Variants in CSMD1 observed in about 807,000 individuals in gnomAD.
The protein encoded by CSMD1 is CUB and Sushi multiple domains 1, also known as CUB and sushi domain-containing protein 1.
In CSMD1, 213 loss-of-function variants were observed where a neutral mutation model predicts 417.5. The observed-to-expected ratio is 0.51, with a 90% CI of 0.46 to 0.57. CSMD1 has a LOEUF of 0.57. Ranked by LOEUF, CSMD1 falls within the 20% of genes least tolerant of loss-of-function variation. The pLI is 0.00. For synonymous variants in CSMD1, 2,862 were observed against 1,736.8 expected, an observed-to-expected ratio of 1.65 and a Z score of -16.11; for missense variants, 6,923 against 4,529.7, an observed-to-expected ratio of 1.53 and a Z score of -15.17.
At chr8:3,427,188 C>T (rs943727668) in intron 12 of CSMD1, among the ~76,000 whole-genome samples, 3 of 152,194 alleles carry the variant, frequency 2.0e-5, no homozygotes, top group African/African-American at 7.2e-5. Context: ...GGTGCAGACT[C>T]AGCCAAACTA....
chr8:3,641,246 G>A (rs1483992904), intron 7 of CSMD1, among the ~76,000 whole-genome samples: 1 of 151,836 alleles, frequency 6.6e-6, no homozygotes, highest in Non-Finnish European at 1.5e-5. Flanking sequence ...GTGACTCATG[G>A]GTCCCTGAGC....
intron 2 of CSMD1, among the ~76,000 whole-genome samples, chr8:4,623,570 G>A (rs1169356856): frequency 6.6e-6 from 1 of 151,912 alleles, no homozygotes; most frequent in Non-Finnish European, 1.5e-5. Flanking sequence ...AAAACAGGGG[G>A]GTGAGGGGGG....
intron 10 of CSMD1, among the ~76,000 whole-genome samples, chr8:3,538,442 G>A (rs1798296061): frequency 6.6e-6 from 1 of 151,960 alleles, no homozygotes; most frequent in Non-Finnish European, 1.5e-5. Flanking sequence ...CCTCACCTGA[G>A]ATGATGCACC....
At chr8:3,749,463 T>C (rs1584941413) in intron 6 of CSMD1, among the ~76,000 whole-genome samples, 1 of 151,958 alleles carries the variant, frequency 6.6e-6, no homozygotes, top group South Asian at 2.1e-4. Flanking sequence ...ATTGGAGAGG[T>C]GAAAGTCAAA....
At chr8:3,748,554 T>C (rs893495224) in intron 6 of CSMD1, among the ~76,000 whole-genome samples, 12 of 152,210 alleles carry the variant, frequency 7.9e-5, no homozygotes, top group African/African-American at 2.2e-4. Flanking sequence ...ATGGTTGTTA[T>C]TATTTTTACA....
intron 37 of CSMD1, among the ~76,000 whole-genome samples, chr8:3,164,860 T>C (rs376377702): frequency 1.3e-5 from 2 of 152,192 alleles, no homozygotes; most frequent in East Asian, 1.9e-4. Flanking sequence ...ACCCATAAGA[T>C]ATGATGTGTT....
intron 5 of CSMD1, among the ~76,000 whole-genome samples, chr8:3,990,425 C>G (rs1038315271): frequency 6.6e-6 from 1 of 152,124 alleles, no homozygotes. Flanking sequence ...CCCGGGATAA[C>G]TATTTTTCCT....
At chr8:3,358,217 C>A (rs1808925820) in intron 21 of CSMD1, among the ~76,000 whole-genome samples, 2 of 152,200 alleles carry the variant, frequency 1.3e-5, no homozygotes, top group Admixed American at 1.3e-4. Context: ...GGTTCGTATT[C>A]TGGACTCCCC....
chr8:3,302,540 C>G (rs1041020149), intron 25 of CSMD1, among the ~76,000 whole-genome samples: 1 of 152,178 alleles, frequency 6.6e-6, no homozygotes. Flanking sequence ...CTGGGCAATT[C>G]CTTCTTTGCA....
At chr8:3,000,750 C>A (rs59533016) in intron 52 of CSMD1, among the ~76,000 whole-genome samples, 5,620 of 152,240 alleles carry the variant, frequency 0.037, 140 homozygotes, top group African/African-American at 0.075. Flanking sequence ...CTTGGGACAA[C>A]AGGAGCATGC....
chr8:4,147,860 G>C (rs190558371), intron 3 of CSMD1, among the ~76,000 whole-genome samples: 376 of 152,216 alleles, frequency 2.5e-3, no homozygotes, highest in African/African-American at 8.2e-3. Context: ...GGAAATGGTA[G>C]CTGAGCTTCA....
At chr8:3,400,663 C>T (rs1468790092) in intron 15 of CSMD1, among the ~76,000 whole-genome samples, 1 of 151,772 alleles carries the variant, frequency 6.6e-6, no homozygotes, top group African/African-American at 2.4e-5. Context: ...GAATGTTAAA[C>T]TTGAAAAGTG....
At chr8:4,856,092 A>T (rs1312548716) in intron 1 of CSMD1, among the ~76,000 whole-genome samples, 1 of 152,178 alleles carries the variant, frequency 6.6e-6, no homozygotes, top group African/African-American at 2.4e-5. Flanking sequence ...AAGCCAGAAG[A>T]GAGTGGGGGC....
chr8:4,787,987 A>G (rs762057291), intron 1 of CSMD1: 22 of 1,594,700 alleles, frequency 1.4e-5, no homozygotes, highest in Non-Finnish European at 1.9e-5. Context: ...AGCCAACAGA[A>G]AGACAAACAG....
At chr8:3,934,928 G>C (rs1397218681) in intron 5 of CSMD1, among the ~76,000 whole-genome samples, 4 of 152,116 alleles carry the variant, frequency 2.6e-5, no homozygotes, top group Non-Finnish European at 5.9e-5. Context: ...AAGTACGGGA[G>C]TAGAGGGCAT....
chr8:3,650,471 G>C (rs1007978139), intron 7 of CSMD1, among the ~76,000 whole-genome samples: 6 of 152,102 alleles, frequency 3.9e-5, no homozygotes, highest in Non-Finnish European at 7.4e-5. Context: ...TCATGCTCTA[G>C]GACTAAATTA....
intron 9 of CSMD1, among the ~76,000 whole-genome samples, chr8:3,578,979 C>T (rs983018035): frequency 6.6e-6 from 1 of 152,218 alleles, no homozygotes; most frequent in Non-Finnish European, 1.5e-5. Flanking sequence ...TCTTTCTACT[C>T]TTGCAAAGGC....
chr8:2,957,674 G>A (rs10112014), intron 63 of CSMD1, 22 bp downstream of exon 63: 7 of 1,396,908 alleles, frequency 5.0e-6, no homozygotes, highest in Middle Eastern at 1.8e-4. Flanking sequence ...CTTGTGATGG[G>A]GGTGGAAGAA....
intron 5 of CSMD1, among the ~76,000 whole-genome samples, chr8:3,864,698 G>C (rs1178161552): frequency 6.6e-6 from 1 of 151,974 alleles, no homozygotes; most frequent in African/African-American, 2.4e-5. Context: ...TGCCCTACTG[G>C]GAGGTTGGAA....
Sources: allele counts gnomAD v4.1 joint callset (sites outside exome capture counted in the v4.1 genomes callset), GRCh38; gene constraint gnomAD v4.1.1; transcripts MANE v1.5; gene names NCBI Gene and HGNC (gene_info 2026-07-23, HGNC 2026-07-21).